Variants in PANK1 observed in about 807,000 individuals in gnomAD.
PANK1 encodes the protein pantothenate kinase 1.
Under a neutral mutation model 40.1 loss-of-function variants are expected in PANK1, and 18 were observed. The observed-to-expected ratio is 0.45, with a 90% CI of 0.31 to 0.67. PANK1 has a LOEUF of 0.67. Among genes scored for constraint, PANK1 ranks in the 30% least tolerant of loss-of-function variants. The pLI, the probability that PANK1 is intolerant of heterozygous loss-of-function variation, is 0.06. For synonymous variants in PANK1, 242 were observed against 237.7 expected (o/e 1.02, Z -0.17); for missense variants, 457 against 599.6 (o/e 0.76, Z 2.48).
intron 5 of PANK1, among the ~76,000 whole-genome samples, chr10:89,590,655 A>G (rs930919832): frequency 1.3e-5 from 2 of 152,192 alleles, no homozygotes; most frequent in Non-Finnish European, 2.9e-5. Context: ...ATAGTAAAAG[A>G]CTGGAAAAAC....
intron 2 of PANK1, among the ~76,000 whole-genome samples, chr10:89,606,260 C>T (rs1400606937): frequency 6.6e-6 from 1 of 152,216 alleles, no homozygotes; most frequent in Non-Finnish European, 1.5e-5. Flanking sequence ...TCCCTTGAAG[C>T]TTTGAAGCCA....
At position 89,599,365 on chromosome 10, in the gene PANK1, T is replaced by C; in HGVS notation, c.786A>G (p.Lys262=). The C allele has an allele frequency of 6.2e-7, 1 of 1,614,100 alleles. No individual in the cohort carries two copies. The highest frequency in any genetic ancestry group is 8.5e-7 in the Non-Finnish European group (1 of 1,179,946). Residue 262 remains lysine (K), a synonymous_variant, in exon 3 of 7, where the codon AAA becomes AAG. Coordinates refer to ENST00000307534, the MANE Select transcript of PANK1 (RefSeq NM_148977.3). The part of the protein sequence containing the change: ...ENPTNPELCQ[K]KPYCLDNPYP... ...ATGGGTTATCAAGGCAGTACGGCTT[T>C]TTTTGACACAATTCAGGATTTGTGG...
At chr10:89,600,647 G>A (rs1297649631) in intron 2 of PANK1, among the ~76,000 whole-genome samples, 1 of 152,150 alleles carries the variant, frequency 6.6e-6, no homozygotes, top group Non-Finnish European at 1.5e-5. Flanking sequence ...ATGTACAGGG[G>A]CAAAAAGGTA....
intron 1 of PANK1, among the ~76,000 whole-genome samples, chr10:89,634,333 G>A (rs1179218429): frequency 1.3e-5 from 2 of 152,114 alleles, no homozygotes; most frequent in Non-Finnish European, 2.9e-5. Context: ...GGCTGCCCAG[G>A]CTAGCTACAA....
At chr10:89,611,571 C>T (rs1845153781) in intron 2 of PANK1, 125 bp downstream of exon 2, 1 of 668,558 alleles carries the variant, frequency 1.5e-6, no homozygotes, top group Non-Finnish European at 2.6e-6. Context: ...AAAACTGAGG[C>T]ACAGAGCGGT....
At chr10:89,586,313 A>T (rs1173974360) in intron 6 of PANK1, among the ~76,000 whole-genome samples, 1 of 151,852 alleles carries the variant, frequency 6.6e-6, no homozygotes, top group African/African-American at 2.4e-5. Context: ...CTTTTTCATT[A>T]TTTTTTTTAA....
At chr10:89,579,864 C>G (rs575652747), downstream of PANK1, 1 of 152,366 alleles carries the variant, frequency 6.6e-6, no homozygotes, top group African/African-American at 2.4e-5. Context: ...AAGTCTTGTT[C>G]ACATCGGATT....
chr10:89,643,818 C>T, intron 1 of PANK1: 1 of 1,595,628 alleles, frequency 6.3e-7, no homozygotes. Context: ...CCCACAGCGT[C>T]CTGTGGGGAA....
chr10:89,636,349 TTTTA>T (rs1841811652), intron 1 of PANK1, among the ~76,000 whole-genome samples: 2 of 127,322 alleles, frequency 1.6e-5, no homozygotes, highest in Admixed American at 1.6e-4. Flanking sequence ...TATTTTTAAT[TTTTA>T]TTTTTTTTGA....
intron 3 of PANK1, among the ~76,000 whole-genome samples, chr10:89,595,873 T>TATATAAAA (rs781450193): frequency 1.7e-4 from 14 of 81,482 alleles, no homozygotes; most frequent in South Asian, 9.9e-4. Flanking sequence ...TATATATATA[T>TATATAAAA]AACTTCATTT....
At position 89,599,236 on chromosome 10, in the gene PANK1, G is replaced by A; in HGVS notation, c.899+16C>T. 2 of 1,607,780 alleles carry A rather than the reference G, an allele frequency of 1.2e-6. No individual in the cohort carries two copies. The highest frequency in any genetic ancestry group is 1.7e-6 in the Non-Finnish European group (2 of 1,176,258). On this transcript the variant is annotated intron_variant, in intron 3 of 6. Transcript: ENST00000307534. ...GAAAGAGGTCTGGGTTCAAGCACAAGCAGAAACATGTTTACCTGGTCCCTG... is the reference window on the plus strand; with the variant it reads ...GAAAGAGGTCTGGGTTCAAGCACAAACAGAAACATGTTTACCTGGTCCCTG...
intron 1 of PANK1, 97 bp downstream of exon 1, chr10:89,644,503 C>T (rs1842055697): frequency 9.1e-7 from 1 of 1,098,648 alleles, no homozygotes. Context: ...CGGGGGCGCA[C>T]GGGGCGTGCT....
chr10:89,642,891 A>C (rs1410184940), intron 1 of PANK1, among the ~76,000 whole-genome samples: 1 of 152,236 alleles, frequency 6.6e-6, no homozygotes, highest in Non-Finnish European at 1.5e-5. Context: ...CATGAAACTT[A>C]AAACAACTAG....
At chr10:89,632,521 A>G (rs1262907934) in intron 1 of PANK1, among the ~76,000 whole-genome samples, 3 of 152,216 alleles carry the variant, frequency 2.0e-5, no homozygotes, top group Non-Finnish European at 4.4e-5. Context: ...GGTGTTCCTC[A>G]ATCCACAATG....
chr10:89,611,005 C>T (rs977839525), intron 2 of PANK1, among the ~76,000 whole-genome samples: 2 of 151,768 alleles, frequency 1.3e-5, no homozygotes, highest in Non-Finnish European at 2.9e-5. Flanking sequence ...AAGAGAGAAA[C>T]ATTGGACTGC....
chr10:89,596,031 T>C (rs1844592496), intron 3 of PANK1, among the ~76,000 whole-genome samples: 1 of 151,476 alleles, frequency 6.6e-6, no homozygotes, highest in South Asian at 2.1e-4. Flanking sequence ...ATGTACATTA[T>C]TACCTTCACA....
At chr10:89,636,987 G>A (rs985415164) in intron 1 of PANK1, among the ~76,000 whole-genome samples, 3 of 150,286 alleles carry the variant, frequency 2.0e-5, no homozygotes, top group South Asian at 2.1e-4. Context: ...TCAGCCTCCC[G>A]AGTACCTGGG....
chr10:89,630,735 G>A (rs1052984820), intron 1 of PANK1, among the ~76,000 whole-genome samples: 13 of 152,146 alleles, frequency 8.5e-5, no homozygotes, highest in African/African-American at 2.4e-4. Context: ...CTCGTGATCC[G>A]CCCGCCTCGG....
chr10:89,585,196 G>A (rs902847936), intron 6 of PANK1, among the ~76,000 whole-genome samples: 3 of 152,124 alleles, frequency 2.0e-5, no homozygotes, highest in Non-Finnish European at 4.4e-5. Flanking sequence ...CACATGGCTG[G>A]ATTACGTGGT....
Sources: gnomAD v4.1 joint callset for allele counts (sites outside exome capture counted in the v4.1 genomes callset) on GRCh38, gnomAD v4.1.1 for gene constraint, MANE v1.5 for transcripts, NCBI Gene and HGNC (gene_info 2026-07-23, HGNC 2026-07-21) for gene names.